CCDC178: variants seen among roughly 807,000 people sequenced by gnomAD.
The protein encoded by CCDC178 is coiled-coil domain-containing protein 178.
CCDC178 carries 126 observed loss-of-function variants against 117.4 expected under a neutral mutation model. The ratio of observed to expected loss-of-function variants is 1.07; its 90% CI spans 0.93 to 1.24. The LOEUF (loss-of-function observed/expected upper bound fraction) is 1.24, where lower values mean the gene tolerates loss of function less well. Ranked by LOEUF, CCDC178 falls within the 50% of genes most tolerant of loss-of-function variation. The pLI is 0.00. For missense variants in CCDC178, 1,030 were observed against 986.9 expected (o/e 1.04, Z -0.59); for synonymous variants, 283 against 313.4 (o/e 0.90, Z 1.02).
chr18:33,436,424 A>T (rs556232952), intron 2 of CCDC178, among the ~76,000 whole-genome samples: 6 of 152,344 alleles, frequency 3.9e-5, no homozygotes, highest in African/African-American at 1.4e-4. Context: ...AGAGCTAGAC[A>T]TGAAGTGAGA....
At chr18:33,041,511 C>A (rs1345343146) in intron 21 of CCDC178, among the ~76,000 whole-genome samples, 1 of 150,218 alleles carries the variant, frequency 6.7e-6, no homozygotes, top group East Asian at 1.9e-4. Context: ...TTTAGGATTT[C>A]AAAAAAGAAC....
intron 9 of CCDC178, among the ~76,000 whole-genome samples, chr18:33,337,729 C>T (rs941877465): frequency 6.6e-6 from 1 of 152,098 alleles, no homozygotes; most frequent in Non-Finnish European, 1.5e-5. Flanking sequence ...AAACTAGATC[C>T]TCATCTCTTG....
At chr18:33,069,385 G>A (rs2057072037) in intron 21 of CCDC178, among the ~76,000 whole-genome samples, 1 of 152,002 alleles carries the variant, frequency 6.6e-6, no homozygotes, top group Non-Finnish European at 1.5e-5. Context: ...CATATTTATA[G>A]CCAACTGTTC....
chr18:33,333,437 G>A (rs1223113114), intron 9 of CCDC178, 43 bp from the exon 10 acceptor site: 4 of 932,608 alleles, frequency 4.3e-6, no homozygotes, highest in Non-Finnish European at 4.7e-6. Context: ...CTGATTGGAG[G>A]AAATATTTGA....
At chr18:33,198,245 T>C (rs1375826732) in intron 20 of CCDC178, among the ~76,000 whole-genome samples, 2 of 152,172 alleles carry the variant, frequency 1.3e-5, no homozygotes, top group South Asian at 2.1e-4. Flanking sequence ...AAAGACAAAG[T>C]AAGAGCTAGC....
intron 20 of CCDC178, among the ~76,000 whole-genome samples, chr18:33,210,520 C>A (rs571725563): frequency 2.0e-4 from 30 of 152,094 alleles, no homozygotes; most frequent in South Asian, 8.3e-4. Context: ...GAATGCCAGT[C>A]GATAAATGAT....
intron 11 of CCDC178, among the ~76,000 whole-genome samples, chr18:33,303,465 G>A (rs999444017): frequency 1.3e-5 from 2 of 152,234 alleles, no homozygotes; most frequent in South Asian, 2.1e-4. Flanking sequence ...TACATCATGA[G>A]TGAGCTCTAT....
intron 9 of CCDC178, among the ~76,000 whole-genome samples, chr18:33,338,714 A>T (rs1225390501): frequency 1.3e-5 from 2 of 152,088 alleles, no homozygotes; most frequent in African/African-American, 4.8e-5. Context: ...CAAAGGCATA[A>T]GAATGATTTG....
At chr18:33,141,298 T>C (rs2058201254) in intron 20 of CCDC178, among the ~76,000 whole-genome samples, 2 of 152,092 alleles carry the variant, frequency 1.3e-5, no homozygotes, top group Non-Finnish European at 2.9e-5. Context: ...ATGGGCTACT[T>C]ATAGTTAGTT....
chr18:33,098,275 G>A (rs571477666), intron 20 of CCDC178, among the ~76,000 whole-genome samples: 1 of 152,122 alleles, frequency 6.6e-6, no homozygotes, highest in Admixed American at 6.6e-5. Context: ...AATCATCGTG[G>A]TGTCTATGAC....
intron 12 of CCDC178, among the ~76,000 whole-genome samples, chr18:33,280,978 G>A (rs2060018171): frequency 6.6e-6 from 1 of 152,060 alleles, no homozygotes; most frequent in African/African-American, 2.4e-5. Flanking sequence ...GGGAGCGATA[G>A]CATTAGGAGA....
At chr18:33,001,806 A>G (rs1357056403) in intron 21 of CCDC178, among the ~76,000 whole-genome samples, 1 of 152,202 alleles carries the variant, frequency 6.6e-6, no homozygotes, top group African/African-American at 2.4e-5. Context: ...TTTCACCTGC[A>G]AAGACACATA....
chr18:33,047,628 T>C (rs1025171271), intron 21 of CCDC178, among the ~76,000 whole-genome samples: 1 of 152,206 alleles, frequency 6.6e-6, no homozygotes, highest in Non-Finnish European at 1.5e-5. Context: ...CAACCTAAAA[T>C]GCCCTGATCT....
At chr18:33,110,861 A>G (rs1448394890) in intron 20 of CCDC178, among the ~76,000 whole-genome samples, 1 of 151,578 alleles carries the variant, frequency 6.6e-6, no homozygotes, top group East Asian at 1.9e-4. Flanking sequence ...AACTTTGTCC[A>G]TCTTCAAGAC....
intron 3 of CCDC178, among the ~76,000 whole-genome samples, chr18:33,402,354 T>C (rs943356336): frequency 3.9e-5 from 6 of 152,312 alleles, no homozygotes; most frequent in African/African-American, 1.4e-4. Context: ...ACACAAACAT[T>C]TGTGGCTTCT....
intron 21 of CCDC178, among the ~76,000 whole-genome samples, chr18:33,019,355 G>C (rs992073861): frequency 7.9e-5 from 12 of 152,174 alleles, no homozygotes; most frequent in African/African-American, 2.9e-4. Flanking sequence ...TCCTAATGTG[G>C]TGAAGAACAT....
At chr18:33,416,401 TG>T (rs1730046676) in intron 2 of CCDC178, among the ~76,000 whole-genome samples, 1 of 149,560 alleles carries the variant, frequency 6.7e-6, no homozygotes, top group Non-Finnish European at 1.5e-5. Context: ...CACTCCAGCC[TG>T]GGTGACAGAG....
At chr18:33,022,170 C>A (rs1048739710) in intron 21 of CCDC178, among the ~76,000 whole-genome samples, 2 of 152,060 alleles carry the variant, frequency 1.3e-5, no homozygotes, top group Admixed American at 6.6e-5. Flanking sequence ...GTCATTTGCC[C>A]TTTGCTCTCA....
rs549179115 is a variant in CCDC178, at chr18:33,006,167, T to C, written c.2389-31486A>G. 3.3e-5 allele frequency among the ~76,000 whole-genome samples: 5 copies of C among 152,188 alleles called. No individual in the cohort carries two copies. In the East Asian group the frequency reaches 9.6e-4, roughly 29 times the overall value. On this transcript the variant is annotated intron_variant, in intron 21 of 22. Transcript: ENST00000383096. ...TTGACTCATTTAGCCTTTGTAATAG[T>C]CTAAAATAACTTATTTAAGATTGAA...
Sources: allele counts gnomAD v4.1 joint callset (sites outside exome capture counted in the v4.1 genomes callset), GRCh38; gene constraint gnomAD v4.1.1; transcripts MANE v1.5; gene names NCBI Gene and HGNC (gene_info 2026-07-23, HGNC 2026-07-21).